The following RETREG3 variants were observed in gnomAD, a reference collection of about 807,000 sequenced individuals.
RETREG3 encodes reticulophagy regulator 3.
RETREG3 carries 23 observed loss-of-function variants against 50.2 expected under a neutral mutation model. The ratio of observed to expected loss-of-function variants is 0.46; its 90% CI spans 0.33 to 0.65. The LOEUF (loss-of-function observed/expected upper bound fraction) is 0.65. RETREG3 is among the 30% of genes least tolerant of loss of function. RETREG3 has a pLI of 0.02. For missense variants in RETREG3, 546 were observed against 598.0 expected, an observed-to-expected ratio of 0.91 and a Z score of 0.91; for synonymous variants, 240 against 234.4, an observed-to-expected ratio of 1.02 and a Z score of -0.22.
intron 1 of RETREG3, among the ~76,000 whole-genome samples, chr17:42,607,607 C>A (rs1407946552): frequency 6.6e-6 from 1 of 150,902 alleles, no homozygotes; most frequent in Non-Finnish European, 1.5e-5. Context: ...GAGTTCGAGA[C>A]CAGCCTGACC....
chr17:42,606,800 G>C (rs949101180), intron 1 of RETREG3, among the ~76,000 whole-genome samples: 4 of 151,908 alleles, frequency 2.6e-5, no homozygotes, highest in Admixed American at 1.3e-4. Context: ...AGTTTGAGAC[G>C]AGCCTGGGCA....
chr17:42,579,944 A>C lies in RETREG3; in HGVS notation c.*1869T>G, dbSNP rs2093103795. The C allele has an allele frequency of 6.5e-6, 1 of 152,974 alleles. No homozygotes were observed. Among genetic ancestry groups the C allele is most frequent in the South Asian group, 2.1e-4 (1 of 4,832 alleles). The allele number at this position is 152,974 out of a possible 1,614,324, so 9.5% of individuals were successfully genotyped here. On this transcript the variant is annotated 3_prime_UTR_variant, in exon 9 of 9. Transcript: ENST00000309428. ...GCACACCCCCACCTGCAGTACATGAAAACAGGCTCTGTCCAACATCCCTCA... is the reference window on the plus strand; with the variant it reads ...GCACACCCCCACCTGCAGTACATGACAACAGGCTCTGTCCAACATCCCTCA...
In RETREG3 at chr17:42,580,283, C is replaced by T. The variant is rs144260154; in HGVS notation, c.*1530G>A. 1 of 152,782 alleles carries T rather than the reference C, an allele frequency of 6.5e-6. No homozygotes were observed. The highest frequency in any genetic ancestry group is 1.5e-5 in the Non-Finnish European group (1 of 68,030). 9.5% of individuals were successfully genotyped at this position (152,782 alleles called of 1,614,324 possible). ...AAATAAAAGCTGTAAAGGAGCTGAA[C>T]AGGAAGTAAGAATAGGTGGTGCAAG... is the stretch of plus-strand genomic sequence containing the variant. On this transcript the variant is annotated 3_prime_UTR_variant, in exon 9 of 9. Coordinates refer to ENST00000309428, the MANE Select transcript of RETREG3 (RefSeq NM_178126.4).
At position 42,609,314 on chromosome 17, in the gene RETREG3, G is replaced by A. The variant is rs2093175228; in HGVS notation, c.11C>T (p.Ala4Val). ...GCCTGGGGTCGTGGGAACCCCTTCG[G>A]CCTCAGCCATCTCCCCGCGGCAGCC... MAE[A>V]EGVPTTPGPA... The change falls in exon 1 of 9, where the codon GCC (alanine) becomes GTC (valine). Residue 4 changes from alanine to valine, a missense_variant. By Grantham distance (64) the Ala-to-Val change is moderately conservative (BLOSUM62 0). Coordinates refer to ENST00000309428, the MANE Select transcript of RETREG3 (RefSeq NM_178126.4). 1.9e-6 allele frequency: 3 copies of A among 1,598,618 alleles called. No individual in the cohort carries two copies. The highest frequency in any genetic ancestry group is 2.2e-5 in the East Asian group (1 of 44,804).
intron 1 of RETREG3, among the ~76,000 whole-genome samples, chr17:42,599,445 G>C (rs554003369): frequency 2.6e-5 from 4 of 151,542 alleles, no homozygotes; most frequent in Non-Finnish European, 5.9e-5. Flanking sequence ...ACCTGAGATC[G>C]GGAGTTTGAG....
chr17:42,597,921 C>A (rs1236523155), intron 1 of RETREG3, among the ~76,000 whole-genome samples: 1 of 150,732 alleles, frequency 6.6e-6, no homozygotes, highest in Non-Finnish European at 1.5e-5. Context: ...TAAGCCACCG[C>A]GCCTGGCCAA....
chr17:42,587,054 G>C, intron 3 of RETREG3, 163 bp from the exon 4 acceptor site: 1 of 958,620 alleles, frequency 1.0e-6, no homozygotes, highest in South Asian at 1.8e-5. Flanking sequence ...TCACCAGGTT[G>C]AAATCTGAAT....
chr17:42,594,500 G>A (rs541476977), intron 1 of RETREG3, among the ~76,000 whole-genome samples: 63 of 152,002 alleles, frequency 4.1e-4, no homozygotes, highest in African/African-American at 1.5e-3. Context: ...GTTGCAGTGA[G>A]CTGAGATCGC....
chr17:42,582,945 C>A (rs368604427), intron 7 of RETREG3, 139 bp from the exon 8 acceptor site: 1 of 1,092,838 alleles, frequency 9.2e-7, no homozygotes, highest in South Asian at 1.7e-5. Context: ...GGTAACTTCC[C>A]GTTGAAAACT....
chr17:42,585,283 CAG>C, intron 5 of RETREG3, 21 bp from the exon 6 acceptor site: 1 of 1,610,336 alleles, frequency 6.2e-7, no homozygotes, highest in South Asian at 1.1e-5. Flanking sequence ...GCATGGGAAA[CAG>C]TGACAAAATG....
Position 42,587,880 on chromosome 17 carries a change from A to G in RETREG3, c.347-16T>C. The stretch of plus-strand genomic sequence containing the variant: ...GGTCTTGGCACTACAATATTAAAAC[A>G]AACACCAGCATTAGTTGGTAGGGAA... On this transcript the variant is annotated splice_polypyrimidine_tract_variant and intron_variant, in intron 2 of 8. Coordinates refer to ENST00000309428, the MANE Select transcript of RETREG3 (RefSeq NM_178126.4). 6.2e-7 allele frequency: 1 copy of G among 1,614,178 alleles called. No individual in the cohort carries two copies. The highest frequency in any genetic ancestry group is 8.5e-7 in the Non-Finnish European group (1 of 1,180,006).
intron 2 of RETREG3, among the ~76,000 whole-genome samples, chr17:42,590,784 T>C (rs975919965): frequency 6.6e-6 from 1 of 152,068 alleles, no homozygotes; most frequent in African/African-American, 2.4e-5. Context: ...CTGGCCAACA[T>C]GGTAAAACCC....
Position 42,592,155 on chromosome 17 carries a change from C to A in RETREG3, c.247G>T (p.Ala83Ser). Residue 83 changes from alanine to serine, a missense_variant, in exon 2 of 9, where the codon GCC becomes TCC. Ala to Ser is a moderately conservative substitution (Grantham distance 99). Coordinates refer to ENST00000309428, the MANE Select transcript of RETREG3 (RefSeq NM_178126.4). Reference protein sequence around the residue: ...LGLNAAFWFFALTSLRLVFLL... With the variant: ...LGLNAAFWFFSLTSLRLVFLL... The stretch of plus-strand genomic sequence containing the variant: ...AACACAAGACGAAGAGATGTCAGGG[C>A]AAAAAACCTACAGAGGAAGAAAAAC... The A allele has an allele frequency of 1.2e-6, 2 of 1,611,448 alleles. No homozygotes were observed. Among genetic ancestry groups the A allele is most frequent in the Non-Finnish European group, 1.7e-6 (2 of 1,179,170 alleles).
intron 6 of RETREG3, among the ~76,000 whole-genome samples, 168 bp from the exon 7 acceptor site, chr17:42,583,748 G>A (rs564912397): frequency 1.2e-4 from 18 of 152,132 alleles, no homozygotes; most frequent in Non-Finnish European, 2.1e-4. Flanking sequence ...AATGCAAGGT[G>A]AGTTGAAAAC....
intron 1 of RETREG3, among the ~76,000 whole-genome samples, chr17:42,593,374 G>A (rs1450520303): frequency 6.6e-6 from 1 of 152,170 alleles, no homozygotes; most frequent in East Asian, 1.9e-4. Context: ...TTGAGGCCAG[G>A]CGTGGTGGTT....
At chr17:42,596,586 G>A (rs2093145612) in intron 1 of RETREG3, 1 of 151,832 alleles carries the variant, frequency 6.6e-6, no homozygotes, top group Non-Finnish European at 1.5e-5. Flanking sequence ...CATCCACATA[G>A]TTGCAAAGCT....
At position 42,609,287 on chromosome 17, in the gene RETREG3, G is replaced by T; in HGVS notation, c.38C>A (p.Pro13Gln). ...GCCCCTGAAAGTCGACCCCGAAGCC[G>T]GGCCTGGGGTCGTGGGAACCCCTTC... ...EAEGVPTTPG[P>Q]ASGSTFRGRR... Residue 13 changes from proline to glutamine, a missense_variant, in exon 1 of 9, where the codon CCG (proline) becomes CAG (glutamine). Pro to Gln is a moderately conservative substitution (Grantham distance 76). Coordinates refer to ENST00000309428, the MANE Select transcript of RETREG3 (RefSeq NM_178126.4). The T allele has an allele frequency of 6.2e-7, 1 of 1,603,422 alleles. No homozygotes were observed.
intron 8 of RETREG3, 149 bp from the exon 9 acceptor site, chr17:42,582,419 G>T (rs1289406554): frequency 1.2e-6 from 1 of 858,840 alleles, no homozygotes; most frequent in South Asian, 1.7e-5. Flanking sequence ...CTTATAGGTG[G>T]CTGTGATCTC....
At position 42,581,874 on chromosome 17, in the gene RETREG3, A is replaced by C; in HGVS notation, c.1340T>G (p.Phe447Cys). The C allele has an allele frequency of 6.2e-7, 1 of 1,613,126 alleles. No individual in the cohort carries two copies. Among genetic ancestry groups the C allele is most frequent in the Non-Finnish European group, 8.5e-7 (1 of 1,179,266 alleles). Residue 447 changes from phenylalanine (F) to cysteine (C), a missense_variant, in exon 9 of 9, where the codon TTT (phenylalanine) becomes TGT (cysteine). Transcript: ENST00000309428. ...DLDTDAEGDD[F>C]ELLDQSELSQ... ...CAGCTCCGACTGGTCCAGAAGTTCAAAGTCATCCCCCTCAGCATCAGTGTC... is the reference window on the plus strand; with the variant it reads ...CAGCTCCGACTGGTCCAGAAGTTCACAGTCATCCCCCTCAGCATCAGTGTC...
Sources: allele counts gnomAD v4.1 joint callset (sites outside exome capture counted in the v4.1 genomes callset), GRCh38; gene constraint gnomAD v4.1.1; transcripts MANE v1.5; gene names NCBI Gene and HGNC (gene_info 2026-07-23, HGNC 2026-07-21).